DYNLRB1: variants seen among roughly 807,000 people sequenced by gnomAD.
The protein encoded by DYNLRB1 is ROBL/LC7-like 1.
A neutral mutation model predicts 13.5 loss-of-function variants in DYNLRB1; 6 were observed. The ratio of observed to expected loss-of-function variants is 0.44; its 90% CI spans 0.24 to 0.88. The LOEUF is 0.88. Ranked by LOEUF, DYNLRB1 falls within the 40% of genes least tolerant of loss-of-function variation. DYNLRB1 has a pLI of 0.21. For missense variants in DYNLRB1, 93 were observed against 127.2 expected (o/e 0.73, Z 1.29); for synonymous variants, 43 against 45.0 (o/e 0.96, Z 0.18).
intron 3 of DYNLRB1, among the ~76,000 whole-genome samples, chr20:34,539,925 G>A (rs554174104): frequency 1.1e-3 from 163 of 152,134 alleles, no homozygotes; most frequent in Admixed American, 2.0e-3. Context: ...AGTCATGATC[G>A]CACCACTGTA....
chr20:34,528,618 G>GA (rs963929905), intron 2 of DYNLRB1, among the ~76,000 whole-genome samples: 1 of 152,100 alleles, frequency 6.6e-6, no homozygotes, highest in East Asian at 1.9e-4. Flanking sequence ...AATCCCAAAG[G>GA]AAAAAACCTG....
At chr20:34,520,683 A>C (rs2146615784) in intron 1 of DYNLRB1, among the ~76,000 whole-genome samples, 1 of 152,320 alleles carries the variant, frequency 6.6e-6, no homozygotes, top group Non-Finnish European at 1.5e-5. Context: ...TCCTGACCTC[A>C]GGTGATCCGC....
intron 1 of DYNLRB1, among the ~76,000 whole-genome samples, chr20:34,525,180 T>TC (rs35695347): frequency 0.05 from 7,329 of 146,394 alleles, 343 homozygotes; most frequent in African/African-American, 0.12. Flanking sequence ...GTGTTGAGGA[T>TC]CCCCCCCCCC....
chr20:34,516,729 G>T, intron 1 of DYNLRB1: 1 of 1,542,606 alleles, frequency 6.5e-7, no homozygotes, highest in Non-Finnish European at 8.8e-7. Context: ...TGGGCGAGGG[G>T]TGGGCGGCGG....
intron 1 of DYNLRB1, among the ~76,000 whole-genome samples, chr20:34,523,916 T>G (rs1275565863): frequency 3.3e-5 from 5 of 152,230 alleles, no homozygotes; most frequent in African/African-American, 1.2e-4. Flanking sequence ...CTCCAATCTC[T>G]GGGGGCTGTT....
chr20:34,536,345 G>C (rs1981138665), intron 3 of DYNLRB1: 1 of 985,306 alleles, frequency 1.0e-6, no homozygotes, highest in Non-Finnish European at 1.2e-6. Flanking sequence ...GCCTGGTTGA[G>C]TGTGTTGACC....
At chr20:34,533,675 C>G in intron 2 of DYNLRB1, 1 of 215,354 alleles carries the variant, frequency 4.6e-6, no homozygotes, top group Non-Finnish European at 7.9e-6. Context: ...AAAAATCAGC[C>G]AGGTGTGGTG....
At chr20:34,522,826 A>G (rs1979862917) in intron 1 of DYNLRB1, among the ~76,000 whole-genome samples, 1 of 152,186 alleles carries the variant, frequency 6.6e-6, no homozygotes, top group Admixed American at 6.5e-5. Flanking sequence ...GTTGAGTTTC[A>G]GATCACCTAA....
At chr20:34,519,960 T>C (rs1321087599) in intron 1 of DYNLRB1, among the ~76,000 whole-genome samples, 2 of 152,056 alleles carry the variant, frequency 1.3e-5, no homozygotes, top group East Asian at 1.9e-4. Flanking sequence ...ATGGTGAAAC[T>C]CTGTCTCTAC....
At chr20:34,538,383 G>C (rs1311742956) in intron 3 of DYNLRB1, among the ~76,000 whole-genome samples, 1 of 151,228 alleles carries the variant, frequency 6.6e-6, no homozygotes, top group Non-Finnish European at 1.5e-5. Context: ...GCTGCAGTGA[G>C]CCATGATCAC....
chr20:34,526,435 T>A, intron 2 of DYNLRB1, 92 bp downstream of exon 2: 1 of 1,265,180 alleles, frequency 7.9e-7, no homozygotes, highest in Middle Eastern at 1.9e-4. Context: ...AAGCCCTTCA[T>A]GAATCTGATC....
At chr20:34,529,794 A>T in intron 2 of DYNLRB1, 1 of 1,341,660 alleles carries the variant, frequency 7.5e-7, no homozygotes, top group Non-Finnish European at 9.7e-7. Context: ...AGCTAGACAG[A>T]ACGTGCTCCC....
In DYNLRB1 at chr20:34,517,333, GT is replaced by G. The variant is rs532599969; in HGVS notation, c.3+877del. ...ATATGACTTCTAGTCTTTTTTGCTTGTTTTTGGTTTATACAGTTTAGCCCCT... is the reference window on the plus strand; with the variant it reads ...ATATGACTTCTAGTCTTTTTTGCTTGTTTTGGTTTATACAGTTTAGCCCCT... On this transcript the variant is annotated intron_variant, in intron 1 of 3. Coordinates refer to ENST00000357156, the MANE Select transcript of DYNLRB1 (RefSeq NM_014183.4). 2.3e-4 allele frequency among the ~76,000 whole-genome samples: 35 copies of G among 152,180 alleles called. No homozygotes were observed. The South Asian group carries it at 6.8e-3, about 30-fold the overall frequency.
chr20:34,535,964 G>A (rs192707603), intron 3 of DYNLRB1: 2 of 985,288 alleles, frequency 2.0e-6, no homozygotes, highest in East Asian at 1.1e-4. Flanking sequence ...TTGATGGGAG[G>A]TCAGCCACTC....
intron 2 of DYNLRB1, among the ~76,000 whole-genome samples, chr20:34,532,642 C>T (rs918104312): frequency 3.3e-5 from 5 of 152,194 alleles, no homozygotes; most frequent in Admixed American, 6.5e-5. Flanking sequence ...CAAGGCTTTG[C>T]GGGGCCCTGC....
At chr20:34,525,088 A>C (rs1218687330) in intron 1 of DYNLRB1, among the ~76,000 whole-genome samples, 1 of 152,154 alleles carries the variant, frequency 6.6e-6, no homozygotes, top group Admixed American at 6.5e-5. Flanking sequence ...GTATTCTGTC[A>C]CAGGGGAGTG....
chr20:34,524,907 A>G (rs1211438467), intron 1 of DYNLRB1, among the ~76,000 whole-genome samples: 2 of 151,982 alleles, frequency 1.3e-5, no homozygotes, highest in African/African-American at 4.8e-5. Context: ...TTGTATTTTC[A>G]GGAGAGACGG....
intron 3 of DYNLRB1, chr20:34,535,990 C>A: frequency 1.0e-6 from 1 of 985,292 alleles, no homozygotes; most frequent in Non-Finnish European, 1.2e-6. Context: ...AGCAGACCAG[C>A]ATAGGTTCTG....
rs140894840 is a variant in DYNLRB1 at position 34,535,702 on chromosome 20, G to A, written c.247+907G>A. ...GATGGTGCACTCCCGCTGCAGTGCC[G>A]CTTATCTAGGGCATCAGGATGTGAG... is the stretch of plus-strand genomic sequence containing the variant. On this transcript the variant is annotated intron_variant, in intron 3 of 3. Coordinates refer to ENST00000357156, the MANE Select transcript of DYNLRB1 (RefSeq NM_014183.4). 1.7e-4 allele frequency: 167 copies of A among 985,370 alleles called. No individual in the cohort carries two copies. In the African/African-American group the frequency reaches 2.6e-3, roughly 15 times the overall value. The allele number at this position is 985,370 out of a possible 1,614,324, so 61.0% of individuals were successfully genotyped here. A position where few individuals can be genotyped will look rare whatever the true frequency, so the allele number is the denominator to read the frequency against.
Sources: allele counts gnomAD v4.1 joint callset (sites outside exome capture counted in the v4.1 genomes callset), GRCh38; gene constraint gnomAD v4.1.1; transcripts MANE v1.5; gene names NCBI Gene and HGNC (gene_info 2026-07-23, HGNC 2026-07-21).